SLC24A2: variants seen among roughly 807,000 people sequenced by gnomAD.
SLC24A2 encodes the protein solute carrier family 24 member 2.
SLC24A2 carries 36 observed loss-of-function variants against 62.0 expected under a neutral mutation model. The ratio of observed to expected loss-of-function variants is 0.58; its 90% CI spans 0.44 to 0.77. The LOEUF (loss-of-function observed/expected upper bound fraction) is 0.77. Ranked by LOEUF, SLC24A2 falls within the 30% of genes least tolerant of loss-of-function variation. The pLI is 0.00. For missense variants in SLC24A2, 846 were observed against 817.9 expected, an observed-to-expected ratio of 1.03 and a Z score of -0.42; for synonymous variants, 358 against 294.0, an observed-to-expected ratio of 1.22 and a Z score of -2.23.
At chr9:19,639,086 C>A (rs577385632) in intron 2 of SLC24A2, among the ~76,000 whole-genome samples, 2 of 150,186 alleles carry the variant, frequency 1.3e-5, no homozygotes, top group Non-Finnish European at 3.0e-5. Context: ...ATCAAATGAT[C>A]GCTATTCTGC....
At chr9:19,670,796 G>C (rs1017558618) in intron 2 of SLC24A2, among the ~76,000 whole-genome samples, 1 of 152,128 alleles carries the variant, frequency 6.6e-6, no homozygotes, top group Non-Finnish European at 1.5e-5. Flanking sequence ...TGCTGTCACT[G>C]CCTAGGTTAC....
At chr9:19,838,561 C>T in the SLC24A2 span, among the ~76,000 whole-genome samples, 2 of 151,322 alleles carry the variant, frequency 1.3e-5, no homozygotes, top group South Asian at 2.1e-4. Context: ...ATTGCTTGAA[C>T]TTGGGAGGCG....
intron 2 of SLC24A2, among the ~76,000 whole-genome samples, chr9:19,737,153 A>C (rs935301546): frequency 2.0e-5 from 3 of 152,200 alleles, no homozygotes; most frequent in African/African-American, 7.2e-5. Context: ...AGACACATCT[A>C]GGCCCATTTG....
In SLC24A2 at chr9:19,512,513, G is replaced by C. The variant is rs531432183; in HGVS notation, c.*3640C>G. ...CTGGGAAGCTGCATAAACACCATCT[G>C]ATCTTCAGCTTCAGTTCATCAGGAT... On this transcript the variant is annotated 3_prime_UTR_variant, in exon 11 of 11. Transcript: ENST00000341998. The C allele has an allele frequency of 2.0e-5, 3 of 152,332 alleles. No homozygotes were observed. The South Asian group carries it at 6.2e-4, about 32-fold the overall frequency. 9.4% of individuals were successfully genotyped at this position (152,332 alleles called of 1,614,324 possible). A position where few individuals can be genotyped will look rare whatever the true frequency, so the allele number is the denominator to read the frequency against.
chr9:19,573,584 C>T, intron 6 of SLC24A2, 115 bp from the exon 7 acceptor site: 1 of 850,514 alleles, frequency 1.2e-6, no homozygotes, highest in East Asian at 2.6e-5. Context: ...GGGTAAAGAG[C>T]AATATTGAAA....
At chr9:20,260,024 A>T in the SLC24A2 span, among the ~76,000 whole-genome samples, 2 of 152,206 alleles carry the variant, frequency 1.3e-5, no homozygotes, top group Admixed American at 6.5e-5. Flanking sequence ...TTGAGGCTGC[A>T]GTGAGCCATG....
chr9:20,161,757 T>TACACAC, the SLC24A2 span, among the ~76,000 whole-genome samples: 3,803 of 147,304 alleles, frequency 0.026, 79 homozygotes, highest in African/African-American at 0.056. Flanking sequence ...AACATGAAGA[T>TACACAC]ACACACACAC....
intron 5 of SLC24A2, among the ~76,000 whole-genome samples, chr9:19,595,594 T>C (rs887642239): frequency 1.3e-5 from 2 of 152,182 alleles, no homozygotes; most frequent in Non-Finnish European, 2.9e-5. Flanking sequence ...TATCAAGTGA[T>C]AGAATCAGAT....
At chr9:19,693,846 C>CT (rs1369930171) in intron 2 of SLC24A2, among the ~76,000 whole-genome samples, 1 of 151,550 alleles carries the variant, frequency 6.6e-6, no homozygotes, top group African/African-American at 2.4e-5. Context: ...CTTTTTCTTT[C>CT]TTTTTACCTG....
the SLC24A2 span, chr9:19,895,750 GCGGCCCA>G: frequency 6.7e-7 from 1 of 1,500,122 alleles, no homozygotes; most frequent in Non-Finnish European, 9.0e-7. Context: ...AAGGGGCTGG[GCGGCCCA>G]GTCCCACCCT....
chr9:19,999,582 G>C, the SLC24A2 span, among the ~76,000 whole-genome samples: 7 of 152,238 alleles, frequency 4.6e-5, no homozygotes, highest in African/African-American at 1.7e-4. Flanking sequence ...GCTACAAAAG[G>C]TTTGCATTTT....
chr9:20,123,085 G>A, the SLC24A2 span, among the ~76,000 whole-genome samples: 18,864 of 152,112 alleles, frequency 0.12, 1,877 homozygotes, highest in East Asian at 0.55. Flanking sequence ...ACAGGAATTT[G>A]TTTTTCACAG....
the SLC24A2 span, among the ~76,000 whole-genome samples, chr9:20,182,732 C>G: frequency 1.3e-5 from 2 of 152,034 alleles, no homozygotes; most frequent in Admixed American, 6.6e-5. Context: ...TGTATACCTA[C>G]GTAACAAACC....
chr9:19,933,121 C>T, the SLC24A2 span, among the ~76,000 whole-genome samples: 1 of 152,112 alleles, frequency 6.6e-6, no homozygotes, highest in Admixed American at 6.5e-5. Context: ...GTTCTAGGAG[C>T]AGAACCATGG....
At chr9:20,040,546 A>G in the SLC24A2 span, among the ~76,000 whole-genome samples, 3 of 152,148 alleles carry the variant, frequency 2.0e-5, no homozygotes, top group African/African-American at 7.2e-5. Flanking sequence ...CCACCAAATG[A>G]CCGAGGCAAA....
intron 8 of SLC24A2, among the ~76,000 whole-genome samples, chr9:19,543,272 A>ATCCCTTT (rs1834372041): frequency 6.6e-6 from 1 of 151,996 alleles, no homozygotes; most frequent in Admixed American, 6.6e-5. Flanking sequence ...ATCAGTGGTG[A>ATCCCTTT]TATCCCCTTT....
the SLC24A2 span, among the ~76,000 whole-genome samples, chr9:19,915,300 T>A: frequency 2.0e-5 from 3 of 152,224 alleles, no homozygotes; most frequent in African/African-American, 7.2e-5. Flanking sequence ...TTTCATTGCA[T>A]GAATATACCA....
intron 7 of SLC24A2, among the ~76,000 whole-genome samples, chr9:19,565,507 G>A (rs1280750837): frequency 1.3e-4 from 19 of 150,810 alleles, no homozygotes; most frequent in Admixed American, 6.6e-5. Flanking sequence ...TCATGGGTAG[G>A]AAGAATCAAT....
chr9:19,862,152 T>C, the SLC24A2 span, among the ~76,000 whole-genome samples: 2 of 151,920 alleles, frequency 1.3e-5, no homozygotes, highest in Non-Finnish European at 2.9e-5. Context: ...CATTTAATAA[T>C]CAAACTCCCA....
Sources: gnomAD v4.1 joint callset for allele counts (sites outside exome capture counted in the v4.1 genomes callset) on GRCh38, gnomAD v4.1.1 for gene constraint, MANE v1.5 for transcripts, NCBI Gene and HGNC (gene_info 2026-07-23, HGNC 2026-07-21) for gene names.